The following RELN variants were observed in gnomAD, a reference collection of about 807,000 sequenced individuals.
The protein encoded by RELN is reelin.
RELN carries 108 observed loss-of-function variants against 427.6 expected under a neutral mutation model. The ratio of observed to expected loss-of-function variants is 0.25; its 90% CI spans 0.22 to 0.30. The LOEUF (loss-of-function observed/expected upper bound fraction) is 0.30, where lower values mean the gene tolerates loss of function less well. Ranked by LOEUF, RELN falls within the 10% of genes least tolerant of loss-of-function variation. The pLI is 1.00. For missense variants in RELN, 3,715 were observed against 4,302.8 expected (o/e 0.86, Z 3.82); for synonymous variants, 1,524 against 1,513.4 (o/e 1.01, Z -0.16).
At chr7:103,859,864 A>C (rs1794032104) in intron 2 of RELN, among the ~76,000 whole-genome samples, 1 of 152,164 alleles carries the variant, frequency 6.6e-6, no homozygotes, top group Non-Finnish European at 1.5e-5. Context: ...TTTGGCTATC[A>C]CTGAGATTAC....
At chr7:103,594,181 G>A in intron 26 of RELN, 140 bp downstream of exon 26, 2 of 906,934 alleles carry the variant, frequency 2.2e-6, no homozygotes, top group East Asian at 4.8e-5. Context: ...GCATAGAGAG[G>A]TAACAAAAAA....
Position 103,675,618 on chromosome 7 carries a change from T to C in RELN, c.1289+6498A>G, listed in dbSNP as rs142025411. Among the ~76,000 whole-genome samples the C allele has an allele frequency of 7.4e-3, 1,124 of 152,226 alleles. 8 individuals are homozygous for C. The highest frequency in any genetic ancestry group is 0.011 in the Non-Finnish European group (747 of 68,006). The stretch of plus-strand genomic sequence containing the variant: ...CAAAAGAACAAAGCTGGAGGCGTCA[T>C]GCTATCTGACTTCAAACTATACTAC... On this transcript the variant is annotated intron_variant, in intron 11 of 64. Coordinates refer to ENST00000428762, the MANE Select transcript of RELN (RefSeq NM_005045.4).
At chr7:103,681,222 G>C (rs899960159) in intron 11 of RELN, among the ~76,000 whole-genome samples, 1 of 152,056 alleles carries the variant, frequency 6.6e-6, no homozygotes, top group African/African-American at 2.4e-5. Context: ...GACAGGGAGC[G>C]CAAAAGAGCA....
At chr7:103,494,645 A>T (rs11979750) in intron 57 of RELN, among the ~76,000 whole-genome samples, 20,727 of 151,264 alleles carry the variant, frequency 0.14, 1,718 homozygotes, top group East Asian at 0.29. Flanking sequence ...TGGCCTCCCA[A>T]AGTGCTGGGA....
At chr7:103,629,222 CT>C (rs1218003621) in intron 20 of RELN, among the ~76,000 whole-genome samples, 1 of 152,186 alleles carries the variant, frequency 6.6e-6, no homozygotes, top group Non-Finnish European at 1.5e-5. Flanking sequence ...CCTGAGCCTA[CT>C]CAACACTGTT....
At chr7:103,548,082 G>A (rs1830338765) in intron 41 of RELN, among the ~76,000 whole-genome samples, 1 of 152,152 alleles carries the variant, frequency 6.6e-6, no homozygotes. Context: ...GGTTTTGGTT[G>A]ACTCATTATG....
At chr7:103,911,843 G>A (rs1406975134) in intron 2 of RELN, among the ~76,000 whole-genome samples, 3 of 131,920 alleles carry the variant, frequency 2.3e-5, no homozygotes, top group African/African-American at 8.7e-5. Context: ...ATCACACTCT[G>A]GGGACTGTGG....
intron 2 of RELN, among the ~76,000 whole-genome samples, chr7:103,863,781 CATCTT>C (rs1289639543): frequency 6.6e-6 from 1 of 151,874 alleles, no homozygotes; most frequent in Non-Finnish European, 1.5e-5. Flanking sequence ...GATGGAATAA[CATCTT>C]AAATTTCACA....
intron 2 of RELN, among the ~76,000 whole-genome samples, chr7:103,870,689 C>T (rs536044571): frequency 1.3e-5 from 2 of 152,216 alleles, no homozygotes; most frequent in Admixed American, 6.6e-5. Context: ...CAAGACCAGA[C>T]CTTCAGTGTC....
At chr7:103,817,425 C>T (rs1260876779) in intron 3 of RELN, among the ~76,000 whole-genome samples, 2 of 152,110 alleles carry the variant, frequency 1.3e-5, no homozygotes, top group East Asian at 3.9e-4. Flanking sequence ...TGAGATAAGG[C>T]TCTGCTTTTA....
At chr7:103,776,457 G>A (rs754527982) in intron 4 of RELN, 100 bp downstream of exon 4, 60 of 1,206,342 alleles carry the variant, frequency 5.0e-5, no homozygotes, top group Non-Finnish European at 6.9e-5. Context: ...TAAAGCTTAC[G>A]ATTAAGTAAT....
At position 103,579,555 on chromosome 7, in the gene RELN, C is replaced by T. The variant is rs559524804; in HGVS notation, c.4146-3850G>A. On this transcript the variant is annotated intron_variant, in intron 28 of 64. Transcript: ENST00000428762. Reference sequence around the variant, plus strand: ...TGGAGGTTGCAGTGAGCTAAGATTGCGCCCCTGCACTCCGGTCTTGGTGAC... The same window carrying T: ...TGGAGGTTGCAGTGAGCTAAGATTGTGCCCCTGCACTCCGGTCTTGGTGAC... 8.7e-5 allele frequency among the ~76,000 whole-genome samples: 13 copies of T among 149,692 alleles called. No homozygotes were observed. In the East Asian group the frequency reaches 9.9e-4, roughly 11 times the overall value.
At chr7:103,597,392 C>G (rs916741910) in intron 24 of RELN, among the ~76,000 whole-genome samples, 1 of 152,122 alleles carries the variant, frequency 6.6e-6, no homozygotes, top group African/African-American at 2.4e-5. Context: ...CACCTGAGGT[C>G]AGGAGTTTGA....
intron 4 of RELN, among the ~76,000 whole-genome samples, chr7:103,754,725 A>G (rs1443971838): frequency 6.6e-5 from 10 of 152,148 alleles, no homozygotes. Flanking sequence ...GCAGTGAGCT[A>G]GAAATGCAAC....
intron 1 of RELN, among the ~76,000 whole-genome samples, chr7:103,950,285 A>G (rs1418024618): frequency 1.3e-5 from 2 of 152,174 alleles, no homozygotes; most frequent in Admixed American, 1.3e-4. Flanking sequence ...TTTGGGGAGG[A>G]CATAAACATT....
At chr7:103,773,666 C>T (rs1206017137) in intron 4 of RELN, among the ~76,000 whole-genome samples, 5 of 151,954 alleles carry the variant, frequency 3.3e-5, no homozygotes, top group Non-Finnish European at 5.9e-5. Flanking sequence ...GACAGGGTTT[C>T]ACCATGTTGG....
intron 1 of RELN, among the ~76,000 whole-genome samples, chr7:103,942,407 T>C (rs1205177888): frequency 6.6e-6 from 1 of 152,248 alleles, no homozygotes; most frequent in African/African-American, 2.4e-5. Context: ...TTTCGGTGTC[T>C]GGCTTATTTA....
intron 7 of RELN, among the ~76,000 whole-genome samples, chr7:103,727,382 T>G (rs1404739783): frequency 6.6e-6 from 1 of 152,100 alleles, no homozygotes; most frequent in Non-Finnish European, 1.5e-5. Flanking sequence ...GATATAACAA[T>G]TGCTTTTATA....
At chr7:103,655,091 C>T (rs1176874010) in intron 12 of RELN, among the ~76,000 whole-genome samples, 1 of 151,992 alleles carries the variant, frequency 6.6e-6, no homozygotes, top group Non-Finnish European at 1.5e-5. Flanking sequence ...AGACTGTAGG[C>T]ATGAGCCACC....
Sources: gnomAD v4.1 joint callset for allele counts (sites outside exome capture counted in the v4.1 genomes callset) on GRCh38, gnomAD v4.1.1 for gene constraint, MANE v1.5 for transcripts, NCBI Gene and HGNC (gene_info 2026-07-23, HGNC 2026-07-21) for gene names.